Variants in DCP1A observed in about 807,000 individuals in gnomAD.
DCP1A encodes the protein decapping mRNA 1A.
Under a neutral mutation model 58.0 loss-of-function variants are expected in DCP1A, and 20 were observed. That is an observed-to-expected ratio of 0.34 (90% confidence interval 0.24 to 0.50). The LOEUF (loss-of-function observed/expected upper bound fraction) is 0.50, where lower values mean the gene tolerates loss of function less well. Ranked by LOEUF, DCP1A falls within the 20% of genes least tolerant of loss-of-function variation. DCP1A has a pLI of 0.98. For missense variants in DCP1A, 613 were observed against 712.2 expected, an observed-to-expected ratio of 0.86 and a Z score of 1.59; for synonymous variants, 285 against 275.1, an observed-to-expected ratio of 1.04 and a Z score of -0.36.
intron 3 of DCP1A, among the ~76,000 whole-genome samples, chr3:53,338,340 C>T (rs782042569): frequency 2.0e-5 from 3 of 152,086 alleles, no homozygotes; most frequent in Admixed American, 6.6e-5. Context: ...GCTAGCACTT[C>T]GGGAGGCTGA....
intron 3 of DCP1A, chr3:53,338,054 A>G (rs1273590191): frequency 2.8e-6 from 1 of 362,172 alleles, no homozygotes; most frequent in Non-Finnish European, 5.7e-6. Flanking sequence ...GAAGCCCGAA[A>G]GACCTACTCC....
intron 5 of DCP1A, among the ~76,000 whole-genome samples, chr3:53,309,623 G>A (rs1707584418): frequency 6.6e-6 from 1 of 152,092 alleles, no homozygotes; most frequent in Non-Finnish European, 1.5e-5. Flanking sequence ...AATTATCCAA[G>A]CATGGTGATG....
rs374470445 is a variant in DCP1A at position 53,304,252 on chromosome 3, T to C, written c.549A>G (p.Leu183=). 7 of 1,613,736 alleles carry C rather than the reference T, an allele frequency of 4.3e-6. No homozygotes were observed. The African/African-American group carries it at 8.0e-5, about 18-fold the overall frequency. ...MGDSNISSPG[L]QPSTQLSNLG... is the part of the protein sequence containing the mutation. ...GATTGGAGAGCTGAGTGCTTGGCTG[T>C]AACCCAGGGCTGGAGATATTTGAGT... The change falls in exon 6 of 10, where the codon TTA becomes TTG. Residue 183 remains leucine (L), a synonymous_variant. Transcript: ENST00000610213.
Position 53,292,069 on chromosome 3 carries a change from C to G in DCP1A, c.1383G>C (p.Gln461His). The G allele has an allele frequency of 1.2e-6, 2 of 1,608,096 alleles. No individual in the cohort carries two copies. Among genetic ancestry groups the G allele is most frequent in the South Asian group, 2.2e-5 (2 of 90,734 alleles). The change falls in exon 7 of 10, where the codon CAG becomes CAC. Residue 461 changes from glutamine (Q) to histidine (H), a missense_variant and splice_region_variant. Transcript: ENST00000610213. ...CCCACCCCCACCCTCCTGCCATTAC[C>G]TGAAGGGGAGCAAGCACCATGTTGC... is the stretch of plus-strand genomic sequence containing the variant. Reference protein sequence around the residue: ...SLSNMVLAPLQSMQQNQDPEV... With the variant: ...SLSNMVLAPLHSMQQNQDPEV...
At position 53,292,429 on chromosome 3, in the gene DCP1A, C is replaced by T. The variant is rs782271554; in HGVS notation, c.1023G>A (p.Met341Ile). The change falls in exon 7 of 10, where the codon ATG (methionine) becomes ATA (isoleucine). Residue 341 changes from methionine (M) to isoleucine (I), a missense_variant. Met to Ile is a conservative substitution (Grantham distance 10). Coordinates refer to ENST00000610213, the MANE Select transcript of DCP1A (RefSeq NM_018403.7). Reference sequence around the variant, plus strand: ...TAGGCGTGGTCTTCACTGCCTGCATCATGGTGCTGTTTCGAGGTAAGCTGG... The same window carrying T: ...TAGGCGTGGTCTTCACTGCCTGCATTATGGTGCTGTTTCGAGGTAAGCTGG... ...VPPSLPRNST[M>I]MQAVKTTPRQ... The T allele has an allele frequency of 1.2e-6, 2 of 1,613,968 alleles. No homozygotes were observed. Among genetic ancestry groups the T allele is most frequent in the African/African-American group, 2.7e-5 (2 of 75,026 alleles).
chr3:53,308,508 T>C (rs1315609768), intron 5 of DCP1A, among the ~76,000 whole-genome samples: 1 of 152,198 alleles, frequency 6.6e-6, no homozygotes. Context: ...TGACCAGGCC[T>C]GTCCTCAATC....
At chr3:53,308,827 G>A (rs975162188) in intron 5 of DCP1A, among the ~76,000 whole-genome samples, 1 of 152,006 alleles carries the variant, frequency 6.6e-6, no homozygotes, top group African/African-American at 2.4e-5. Context: ...TCTGAAACTC[G>A]TGGATTCAAG....
At chr3:53,295,438 T>A (rs1409810085) in intron 6 of DCP1A, among the ~76,000 whole-genome samples, 1 of 152,082 alleles carries the variant, frequency 6.6e-6, no homozygotes, top group African/African-American at 2.4e-5. Context: ...ATACTAAAGA[T>A]CTTATATGGT....
At chr3:53,317,860 T>G (rs12492129) in intron 4 of DCP1A, among the ~76,000 whole-genome samples, 6,343 of 152,294 alleles carry the variant, frequency 0.042, 354 homozygotes, top group South Asian at 0.15. Context: ...AACATGGCCC[T>G]GCCCTGCAAG....
chr3:53,337,614 C>T (rs1385593643), intron 3 of DCP1A, among the ~76,000 whole-genome samples: 1 of 152,194 alleles, frequency 6.6e-6, no homozygotes, highest in Admixed American at 6.5e-5. Context: ...AAGAATGTTA[C>T]CATGGCAAAG....
intron 4 of DCP1A, among the ~76,000 whole-genome samples, chr3:53,315,221 C>T (rs782069222): frequency 1.3e-5 from 2 of 152,016 alleles, no homozygotes; most frequent in African/African-American, 2.4e-5. Context: ...GTGGCCAAAC[C>T]GTCAAACAAC....
chr3:53,305,895 T>TAAA (rs1419564902), intron 5 of DCP1A, among the ~76,000 whole-genome samples: 1 of 152,172 alleles, frequency 6.6e-6, no homozygotes, highest in Non-Finnish European at 1.5e-5. Flanking sequence ...ATCTTGTTCT[T>TAAA]AAAAAGAATC....
At chr3:53,316,990 C>T (rs1366736633) in intron 4 of DCP1A, among the ~76,000 whole-genome samples, 5 of 152,112 alleles carry the variant, frequency 3.3e-5, no homozygotes, top group Admixed American at 1.3e-4. Flanking sequence ...GATAGATAAA[C>T]GGTTTTCTTT....
intron 4 of DCP1A, 29 bp from the exon 5 acceptor site, chr3:53,312,408 G>A (rs1665311270): frequency 6.5e-7 from 1 of 1,526,918 alleles, no homozygotes; most frequent in Admixed American, 2.2e-5. Flanking sequence ...GTTTTAGAAA[G>A]GCCTCTTGAA....
chr3:53,312,179 C>T (rs879963890), intron 5 of DCP1A, 62 bp downstream of exon 5: 2 of 1,497,528 alleles, frequency 1.3e-6, no homozygotes, highest in Non-Finnish European at 1.8e-6. Flanking sequence ...TAGTCTCCTG[C>T]AGACCTCCTC....
At position 53,303,973 on chromosome 3, in the gene DCP1A, A is replaced by G. The variant is rs1489126543; in HGVS notation, c.624+204T>C. Among the ~76,000 whole-genome samples, 3 of 152,224 alleles carry G rather than the reference A, an allele frequency of 2.0e-5. No homozygotes were observed. In the East Asian group the frequency reaches 5.8e-4, roughly 29 times the overall value. ...AAGAATAGGTAAGAAGCAACCAGGG[A>G]GCAAAAGATGGGAAACCAGGTAGCA... is the stretch of plus-strand genomic sequence containing the variant. On this transcript the variant is annotated intron_variant, in intron 6 of 9. Transcript: ENST00000610213.
intron 3 of DCP1A, among the ~76,000 whole-genome samples, chr3:53,329,842 T>C (rs2088953649): frequency 6.6e-6 from 1 of 152,146 alleles, no homozygotes; most frequent in African/African-American, 2.4e-5. Flanking sequence ...CATGAAAAAG[T>C]TGTCCTTATA....
intron 6 of DCP1A, among the ~76,000 whole-genome samples, chr3:53,299,739 T>G (rs529149040): frequency 3.3e-5 from 5 of 152,368 alleles, no homozygotes; most frequent in Non-Finnish European, 5.9e-5. Flanking sequence ...GCAGTGTTAC[T>G]AAACAAATGT....
intron 4 of DCP1A, among the ~76,000 whole-genome samples, chr3:53,316,285 G>T (rs547380767): frequency 2.4e-4 from 37 of 152,304 alleles, no homozygotes; most frequent in Non-Finnish European, 4.4e-4. Context: ...GGCAGATTTA[G>T]AACAAAGACA....
Sources: gnomAD v4.1 joint callset for allele counts (sites outside exome capture counted in the v4.1 genomes callset) on GRCh38, gnomAD v4.1.1 for gene constraint, MANE v1.5 for transcripts, NCBI Gene and HGNC (gene_info 2026-07-23, HGNC 2026-07-21) for gene names.